PRKAR1B: variants seen among roughly 807,000 people sequenced by gnomAD.
PRKAR1B encodes protein kinase cAMP-dependent type I regulatory subunit beta, also known as cAMP-dependent protein kinase type I-beta regulatory subunit.
In PRKAR1B, 22 loss-of-function variants were observed where a neutral mutation model predicts 46.5. The ratio of observed to expected loss-of-function variants is 0.47; its 90% confidence interval spans 0.34 to 0.68. The LOEUF (loss-of-function observed/expected upper bound fraction) is 0.68. PRKAR1B is among the 30% of genes least tolerant of loss of function. The pLI, the probability that PRKAR1B is intolerant of heterozygous loss-of-function variation, is 0.01. For missense variants in PRKAR1B, 445 were observed against 535.6 expected (o/e 0.83, Z 1.67); for synonymous variants, 259 against 217.7 (o/e 1.19, Z -1.67).
intron 2 of PRKAR1B, among the ~76,000 whole-genome samples, chr7:690,094 C>T (rs1344605933): frequency 2.0e-5 from 3 of 151,668 alleles, no homozygotes; most frequent in South Asian, 2.1e-4. Context: ...GCCAGGAGTT[C>T]GAGACCACCC....
chr7:659,487 G>A (rs538383123), intron 4 of PRKAR1B, among the ~76,000 whole-genome samples: 2 of 152,148 alleles, frequency 1.3e-5, no homozygotes, highest in Admixed American at 1.3e-4. Flanking sequence ...CGCACACGCC[G>A]TCCCGAGCCG....
intron 9 of PRKAR1B, among the ~76,000 whole-genome samples, chr7:557,722 C>G (rs9801029): frequency 0.96 from 146,661 of 152,250 alleles, 70,684 homozygotes; most frequent in East Asian, 1. Context: ...GCTGTCGAAA[C>G]CTCTGGAAAT....
intron 2 of PRKAR1B, 125 bp from the exon 3 acceptor site, chr7:680,851 T>C: frequency 8.9e-7 from 1 of 1,126,194 alleles, no homozygotes; most frequent in Non-Finnish European, 1.3e-6. Flanking sequence ...AACTCAGGAG[T>C]TGGACATACG....
At chr7:555,398 G>A (rs866203352) in intron 9 of PRKAR1B, among the ~76,000 whole-genome samples, 1 of 152,338 alleles carries the variant, frequency 6.6e-6, no homozygotes, top group Middle Eastern at 3.4e-3. Context: ...GTTCTAAGTG[G>A]TGGCATCTCC....
chr7:723,199 G>T (rs753945458), intron 1 of PRKAR1B, among the ~76,000 whole-genome samples: 3 of 152,214 alleles, frequency 2.0e-5, no homozygotes, highest in Non-Finnish European at 4.4e-5. Context: ...AACCCCAGTT[G>T]CACAGCACAG....
chr7:672,492 C>CAGGGGCAACAGAGTGAG (rs1786316349), intron 4 of PRKAR1B, among the ~76,000 whole-genome samples: 1 of 152,096 alleles, frequency 6.6e-6, no homozygotes, highest in African/African-American at 2.4e-5. Context: ...AGCTGTGCTC[C>CAGGGGCAACAGAGTGAG]ACCCACCGCA....
intron 2 of PRKAR1B, among the ~76,000 whole-genome samples, chr7:702,806 G>A (rs144968327): frequency 2.6e-4 from 39 of 152,052 alleles, no homozygotes; most frequent in Middle Eastern, 3.4e-3. Context: ...CTGGGCAAAC[G>A]GGGCAAGACT....
At chr7:662,096 C>A (rs531966847) in intron 4 of PRKAR1B, among the ~76,000 whole-genome samples, 30 of 100,354 alleles carry the variant, frequency 3.0e-4, no homozygotes, top group African/African-American at 1.1e-3. Context: ...ACTCTCCCCC[C>A]CATGGCACAG....
chr7:726,979 G>T lies in PRKAR1B; in HGVS notation c.-23+231C>A, dbSNP rs929444289. The T allele has an allele frequency of 1.2e-5, 15 of 1,294,574 alleles. No individual in the cohort carries two copies. Among genetic ancestry groups the T allele is most frequent in the South Asian group, 1.9e-5 (1 of 52,090 alleles). The allele number at this position is 1,294,574 out of a possible 1,614,324, so 80.2% of individuals were successfully genotyped here. On this transcript the variant is annotated intron_variant, in intron 1 of 10. Transcript: ENST00000537384. The stretch of plus-strand genomic sequence containing the variant: ...GCCGCGCTTGCTGCGCTGCCTGAGC[G>T]ACCCCGCCGAGGGCTGCCGCGCGCT...
chr7:569,595 G>A (rs1054764549), intron 9 of PRKAR1B, among the ~76,000 whole-genome samples: 1 of 152,210 alleles, frequency 6.6e-6, no homozygotes, highest in African/African-American at 2.4e-5. Context: ...TGACGAGGCT[G>A]CCCTGCAACA....
intron 4 of PRKAR1B, among the ~76,000 whole-genome samples, chr7:662,091 C>T (rs1228279568): frequency 1.1e-5 from 1 of 93,786 alleles, no homozygotes. Context: ...TACCTACTCT[C>T]CCCCCCATGG....
intron 4 of PRKAR1B, among the ~76,000 whole-genome samples, chr7:609,514 C>T (rs1055699668): frequency 3.3e-5 from 5 of 152,182 alleles, no homozygotes; most frequent in African/African-American, 1.2e-4. Context: ...GTGCTGCCTC[C>T]ACCACCCTTG....
chr7:604,094 G>A (rs949713252), intron 6 of PRKAR1B, among the ~76,000 whole-genome samples: 2 of 152,192 alleles, frequency 1.3e-5, no homozygotes, highest in African/African-American at 2.4e-5. Context: ...CCCATCTGCT[G>A]GGGGCTGAGC....
chr7:691,692 G>A (rs750931292), intron 2 of PRKAR1B: 83 of 1,275,788 alleles, frequency 6.5e-5, no homozygotes, highest in East Asian at 1.1e-4. Flanking sequence ...GACCTCACAC[G>A]GTCAAAAGCA....
intron 1 of PRKAR1B, among the ~76,000 whole-genome samples, chr7:715,738 CAG>C (rs1234488445): frequency 5.3e-5 from 8 of 151,590 alleles, no homozygotes; most frequent in African/African-American, 1.9e-4. Context: ...TTTTTTGAGA[CAG>C]AGTCTCATTC....
intron 7 of PRKAR1B, among the ~76,000 whole-genome samples, chr7:585,589 T>C (rs1780551255): frequency 6.6e-6 from 1 of 151,842 alleles, no homozygotes; most frequent in Non-Finnish European, 1.5e-5. Context: ...ATAAGTCCCC[T>C]GGGGTGTGGA....
intron 2 of PRKAR1B, among the ~76,000 whole-genome samples, chr7:681,256 G>T (rs114184214): frequency 0.01 from 1,509 of 149,238 alleles, 23 homozygotes; most frequent in African/African-American, 0.035. Context: ...CAACCTCTCT[G>T]TAAACTACGC....
At chr7:699,742 G>A (rs1562350856) in intron 2 of PRKAR1B, among the ~76,000 whole-genome samples, 2 of 152,194 alleles carry the variant, frequency 1.3e-5, no homozygotes, top group African/African-American at 4.8e-5. Context: ...GAGCCCGTGG[G>A]TGGCCATGGG....
chr7:571,421 G>A (rs1165814895), intron 9 of PRKAR1B, among the ~76,000 whole-genome samples: 1 of 152,246 alleles, frequency 6.6e-6, no homozygotes. Context: ...TGGTTCAGGC[G>A]TCGGCGGGGA....
Sources: gnomAD v4.1 joint callset for allele counts (sites outside exome capture counted in the v4.1 genomes callset) on GRCh38, gnomAD v4.1.1 for gene constraint, MANE v1.5 for transcripts, NCBI Gene and HGNC (gene_info 2026-07-23, HGNC 2026-07-21) for gene names.